The following ANKRD20A1 variants were observed in gnomAD, a reference collection of about 807,000 sequenced individuals.
The protein encoded by ANKRD20A1 is ankyrin repeat domain 20 family member A1.
In ANKRD20A1, 2 loss-of-function variants were observed where a neutral mutation model predicts 50.9. The ratio of observed to expected loss-of-function variants is 0.04; its 90% CI spans 0.02 to 0.12. The LOEUF (loss-of-function observed/expected upper bound fraction) is 0.12, where lower values mean the gene tolerates loss of function less well. ANKRD20A1 is among the 10% of genes least tolerant of loss of function. The pLI, the probability that ANKRD20A1 is intolerant of heterozygous loss-of-function variation, is 1.00. For missense variants in ANKRD20A1, 31 were observed against 548.1 expected (o/e 0.06, Z 9.42); for synonymous variants, 10 against 186.2 (o/e 0.05, Z 7.70).
intron 13 of ANKRD20A1, among the ~76,000 whole-genome samples, chr9:67,898,612 T>C (rs28541395): frequency 0.033 from 2,441 of 73,724 alleles, 6 homozygotes; most frequent in East Asian, 0.22. Flanking sequence ...ATGTTAGACT[T>C]TTTAGCCTAG....
chr9:67,890,641 TG>T (rs1419629298), intron 11 of ANKRD20A1, among the ~76,000 whole-genome samples: 5 of 151,092 alleles, frequency 3.3e-5, no homozygotes, highest in Admixed American at 2.0e-4. Flanking sequence ...TCAGAAGAGC[TG>T]TATCATTTAA....
At chr9:67,882,202 G>T (rs1413965741) in intron 8 of ANKRD20A1, among the ~76,000 whole-genome samples, 2 of 150,604 alleles carry the variant, frequency 1.3e-5, no homozygotes, top group African/African-American at 4.9e-5. Context: ...GCCCAGGCTG[G>T]TCTTTAACTG....
chr9:67,876,933 C>G (rs1352510238), intron 6 of ANKRD20A1, among the ~76,000 whole-genome samples: 1 of 62,128 alleles, frequency 1.6e-5, no homozygotes, highest in African/African-American at 3.6e-5. Context: ...ACATACATAT[C>G]TATGCTAAAG....
At chr9:67,867,808 G>A (rs1328774226) in intron 4 of ANKRD20A1, among the ~76,000 whole-genome samples, 4 of 109,574 alleles carry the variant, frequency 3.7e-5, no homozygotes, top group South Asian at 2.9e-4. Flanking sequence ...ACAGGTGCAC[G>A]CCACCATGCC....
intron 8 of ANKRD20A1, among the ~76,000 whole-genome samples, chr9:67,881,554 G>A (rs1827796265): frequency 1.3e-5 from 2 of 152,174 alleles, no homozygotes; most frequent in Non-Finnish European, 2.9e-5. Flanking sequence ...ATCACCTGAG[G>A]TCAGGAGTTC....
chr9:67,885,373 G>A (rs1482511968), intron 9 of ANKRD20A1, among the ~76,000 whole-genome samples: 1 of 152,294 alleles, frequency 6.6e-6, no homozygotes, highest in Admixed American at 6.5e-5. Context: ...CTACTGGGGA[G>A]GCATTAAGGA....
Position 67,879,492 on chromosome 9 carries a change from A to G in ANKRD20A1, c.825-984A>G, listed in dbSNP as rs1587600964. ...GACTCCAGTTAGCTTGTTTTTCAGG[A>G]GCAGGGATATAGAGAGCTCCTAGTC... On this transcript the variant is annotated intron_variant, in intron 7 of 14. Transcript: ENST00000562196. Among the ~76,000 whole-genome samples, 3 of 52,294 alleles carry G rather than the reference A, an allele frequency of 5.7e-5. 1 individual carries two copies. The South Asian group carries it at 3.0e-3, about 53-fold the overall frequency. 34.3% of individuals were successfully genotyped at this position (52,294 alleles called of 152,430 possible). A position where few individuals can be genotyped will look rare whatever the true frequency, so the allele number is the denominator to read the frequency against.
chr9:67,860,007 T>A (rs868119137), intron 1 of ANKRD20A1, among the ~76,000 whole-genome samples: 3,167 of 29,504 alleles, frequency 0.11, 1,348 homozygotes, highest in African/African-American at 0.16. Flanking sequence ...ATATATATAT[T>A]TTTTTTTCAG....
chr9:67,900,477 CTTTTG>C lies in ANKRD20A1; in HGVS notation c.1498-11_1498-7del, dbSNP rs2131564583. 1 of 955,114 alleles carries C rather than the reference CTTTTG, an allele frequency of 1.0e-6. No homozygotes were observed. The highest frequency in any genetic ancestry group is 1.7e-5 in the African/African-American group (1 of 59,184). 59.2% of individuals were successfully genotyped at this position (955,114 alleles called of 1,614,324 possible). A position where few individuals can be genotyped will look rare whatever the true frequency, so the allele number is the denominator to read the frequency against. On this transcript the variant is annotated splice_polypyrimidine_tract_variant and intron_variant, in intron 14 of 14. Coordinates refer to ENST00000562196, the MANE Select transcript of ANKRD20A1 (RefSeq NM_032250.5). ...TTTATTGAGTACTAGCTAAAATTTT[CTTTTG>C]TTTTATTTAGGATTTTCATAATCAT...
At chr9:67,863,926 G>GT (rs1171442600) in intron 3 of ANKRD20A1, among the ~76,000 whole-genome samples, 4 of 30,960 alleles carry the variant, frequency 1.3e-4, no homozygotes, top group Non-Finnish European at 1.9e-4. Context: ...CCAGGAAGAG[G>GT]TTTTTTTTTG....
At chr9:67,878,845 T>G (rs1327430897) in intron 7 of ANKRD20A1, among the ~76,000 whole-genome samples, 12 of 80,082 alleles carry the variant, frequency 1.5e-4, no homozygotes, top group African/African-American at 3.2e-4. Flanking sequence ...CAAACAGGAG[T>G]GAGTCTGTGG....
intron 9 of ANKRD20A1, among the ~76,000 whole-genome samples, chr9:67,885,407 C>A (rs1411462809): frequency 6.6e-6 from 1 of 152,304 alleles, no homozygotes; most frequent in Non-Finnish European, 1.5e-5. Context: ...CCACACAGAC[C>A]TGTGTTTTAT....
intron 3 of ANKRD20A1, among the ~76,000 whole-genome samples, chr9:67,866,093 C>T (rs1827565603): frequency 6.7e-6 from 1 of 150,102 alleles, no homozygotes; most frequent in African/African-American, 2.4e-5. Flanking sequence ...CTTAAGGATG[C>T]AAGTGACTTA....
chr9:67,859,774 C>T, intron 1 of ANKRD20A1, 145 bp downstream of exon 1: 1 of 393,808 alleles, frequency 2.5e-6, no homozygotes, highest in Middle Eastern at 8.3e-4. Context: ...CCTCATAATT[C>T]CCTGGCTGGA....
intron 11 of ANKRD20A1, among the ~76,000 whole-genome samples, chr9:67,892,759 G>A (rs1442221393): frequency 1.1e-5 from 1 of 92,838 alleles, no homozygotes; most frequent in African/African-American, 3.4e-5. Flanking sequence ...TTGAGTAGCT[G>A]GGACTACAAG....
At chr9:67,881,790 A>C (rs1422457734) in intron 8 of ANKRD20A1, among the ~76,000 whole-genome samples, 1 of 151,412 alleles carries the variant, frequency 6.6e-6, no homozygotes, top group Non-Finnish European at 1.5e-5. Context: ...GCAAGACTAC[A>C]TCTTAAAAAA....
At chr9:67,884,847 A>G (rs1827851769) in intron 9 of ANKRD20A1, among the ~76,000 whole-genome samples, 1 of 151,334 alleles carries the variant, frequency 6.6e-6, no homozygotes, top group Admixed American at 6.7e-5. Context: ...CGGAGATACC[A>G]CCACTGCATT....
At chr9:67,881,220 C>G (rs1435204087) in intron 8 of ANKRD20A1, among the ~76,000 whole-genome samples, 1 of 144,732 alleles carries the variant, frequency 6.9e-6, no homozygotes, top group African/African-American at 2.5e-5. Flanking sequence ...TTGAGAACAG[C>G]CTGGGCAACA....
In ANKRD20A1 at chr9:67,882,620, T is replaced by A. The variant is rs62546056; in HGVS notation, c.895-1866T>A. On this transcript the variant is annotated intron_variant, in intron 8 of 14. Coordinates refer to ENST00000562196, the MANE Select transcript of ANKRD20A1 (RefSeq NM_032250.5). ...CCAACTCATGTTTTATTAAATATAC[T>A]TTTTCAAGCCATACATTACTCTTTA... is the stretch of plus-strand genomic sequence containing the variant. 7.2e-4 allele frequency among the ~76,000 whole-genome samples: 105 copies of A among 145,980 alleles called. 1 individual carries two copies. In the South Asian group the frequency reaches 0.011, roughly 15 times the overall value.
Sources: gnomAD v4.1 joint callset for allele counts (sites outside exome capture counted in the v4.1 genomes callset) on GRCh38, gnomAD v4.1.1 for gene constraint, MANE v1.5 for transcripts, NCBI Gene and HGNC (gene_info 2026-07-23, HGNC 2026-07-21) for gene names.